Variants in PKHD1 observed in about 807,000 individuals in gnomAD.
The protein encoded by PKHD1 is fibrocystin.
Under a neutral mutation model 412.0 loss-of-function variants are expected in PKHD1, and 291 were observed. That is an observed-to-expected ratio of 0.71 (90% CI 0.64 to 0.78). The LOEUF (loss-of-function observed/expected upper bound fraction) is 0.78. Ranked by LOEUF, PKHD1 falls within the 30% of genes least tolerant of loss-of-function variation. PKHD1 has a pLI of 0.00. For synonymous variants in PKHD1, 1,777 were observed against 1,821.5 expected (o/e 0.98, Z 0.62); for missense variants, 4,825 against 4,950.7 (o/e 0.97, Z 0.76).
intron 58 of PKHD1, 29 bp downstream of exon 58, chr6:51,747,758 C>T (rs1463073059): frequency 6.3e-7 from 1 of 1,589,882 alleles, no homozygotes; most frequent in South Asian, 1.1e-5. Flanking sequence ...TATGAAATGG[C>T]ACTGCCTAGA....
intron 43 of PKHD1, among the ~76,000 whole-genome samples, chr6:51,891,128 T>C (rs1398974405): frequency 1.3e-5 from 2 of 152,250 alleles, no homozygotes; most frequent in Non-Finnish European, 2.9e-5. Flanking sequence ...CATACCCTTT[T>C]ACTTGTAGCT....
intron 35 of PKHD1, among the ~76,000 whole-genome samples, chr6:51,963,173 G>A (rs1201713291): frequency 2.6e-5 from 4 of 151,872 alleles, no homozygotes; most frequent in African/African-American, 4.8e-5. Flanking sequence ...ATCCCTTTTC[G>A]TGTTTTCAAG....
At chr6:51,935,539 C>CT in intron 36 of PKHD1, among the ~76,000 whole-genome samples, 1 of 152,188 alleles carries the variant, frequency 6.6e-6, no homozygotes, top group Admixed American at 6.5e-5. Flanking sequence ...AGAATTGTAT[C>CT]TTTATATCAG....
rs794727680 is a variant in PKHD1, at chr6:51,885,888, C to T, written c.7194G>A (p.Trp2398Ter). The T allele has an allele frequency of 6.2e-7, 1 of 1,612,066 alleles. No individual in the cohort carries two copies. The highest frequency in any genetic ancestry group is 1.3e-5 in the African/African-American group (1 of 74,858). Residue 2398 changes from tryptophan to a stop codon, truncating the protein, a stop_gained, in exon 45 of 67, where the codon TGG (tryptophan) becomes TGA (stop). Coordinates refer to ENST00000371117, the MANE Select transcript of PKHD1 (RefSeq NM_138694.4). LOFTEE classifies it high-confidence loss of function. ...TTACCTGGGCACCACCTGCACTTTC[C>T]CAAACTGTGAAGCTCTGGAACAGAG... ...GTTLFQSFTV[W>*]ESAGGAQIFR...
chr6:51,850,778 A>C (rs934771685), intron 49 of PKHD1, among the ~76,000 whole-genome samples: 2 of 152,178 alleles, frequency 1.3e-5, no homozygotes. Flanking sequence ...GTTGCTTATC[A>C]GTTCAAGAAA....
intron 60 of PKHD1, among the ~76,000 whole-genome samples, chr6:51,700,858 TGTTCAGAAATGAA>T (rs1779332084): frequency 6.6e-6 from 1 of 152,130 alleles, no homozygotes; most frequent in Admixed American, 6.6e-5. Context: ...CTAACAAGAT[TGTTCAGAAATGAA>T]GTCGCCTGAA....
intron 38 of PKHD1, among the ~76,000 whole-genome samples, 153 bp from the exon 39 acceptor site, chr6:51,912,109 C>T (rs959084275): frequency 6.6e-6 from 1 of 152,102 alleles, no homozygotes. Context: ...GACACAAGTA[C>T]ATGAAAATTA....
At chr6:52,074,467 C>A (rs1811069942) in intron 6 of PKHD1, among the ~76,000 whole-genome samples, 2 of 152,182 alleles carry the variant, frequency 1.3e-5, no homozygotes, top group African/African-American at 4.8e-5. Context: ...TAAAAAAAAT[C>A]TGGCAGAATA....
chr6:51,829,980 A>G (rs1767970629), intron 52 of PKHD1, among the ~76,000 whole-genome samples: 2 of 152,158 alleles, frequency 1.3e-5, no homozygotes, highest in Non-Finnish European at 2.9e-5. Flanking sequence ...TACTTATTTC[A>G]TAAGGTTATT....
At chr6:51,786,057 T>C (rs559088013) in intron 53 of PKHD1, among the ~76,000 whole-genome samples, 1 of 152,200 alleles carries the variant, frequency 6.6e-6, no homozygotes, top group East Asian at 1.9e-4. Flanking sequence ...AAAAACTCTA[T>C]GAAATACGTA....
chr6:51,660,428 T>C (rs1246505576), intron 60 of PKHD1, among the ~76,000 whole-genome samples: 1 of 152,074 alleles, frequency 6.6e-6, no homozygotes, highest in Non-Finnish European at 1.5e-5. Context: ...TGTCACATAA[T>C]TTAACCAAAT....
chr6:51,736,153 T>C (rs1216595005), intron 60 of PKHD1, among the ~76,000 whole-genome samples: 1 of 152,084 alleles, frequency 6.6e-6, no homozygotes, highest in Non-Finnish European at 1.5e-5. Context: ...ACTCAGCAAG[T>C]GTTAGATGCT....
At chr6:51,860,743 C>A (rs1774050345) in intron 48 of PKHD1, among the ~76,000 whole-genome samples, 1 of 152,036 alleles carries the variant, frequency 6.6e-6, no homozygotes, top group Non-Finnish European at 1.5e-5. Flanking sequence ...GGGCTATAAG[C>A]CTTACATGTT....
intron 36 of PKHD1, among the ~76,000 whole-genome samples, chr6:51,951,837 C>G (rs1790413557): frequency 6.6e-6 from 1 of 152,144 alleles, no homozygotes; most frequent in Admixed American, 6.6e-5. Context: ...TAAAGACAGA[C>G]CAAGTCCTGC....
At chr6:51,942,088 A>G (rs1164934485) in intron 36 of PKHD1, among the ~76,000 whole-genome samples, 1 of 151,666 alleles carries the variant, frequency 6.6e-6, no homozygotes, top group Non-Finnish European at 1.5e-5. Context: ...CCATCCTAAC[A>G]AAGCCATTAT....
intron 43 of PKHD1, among the ~76,000 whole-genome samples, chr6:51,892,998 T>C (rs1779340041): frequency 6.6e-6 from 1 of 152,096 alleles, no homozygotes; most frequent in African/African-American, 2.4e-5. Flanking sequence ...GAAGTGAAAC[T>C]CCACCTTCTC....
chr6:51,710,486 T>C lies in PKHD1; in HGVS notation c.10156+33899A>G, dbSNP rs556402958. ...GGAATCTTCACGTCTCAGATTCACC[T>C]AACAGAAATCTATATTGTACTTATT... On this transcript the variant is annotated intron_variant, in intron 60 of 66. Transcript: ENST00000371117. 3.0e-4 allele frequency among the ~76,000 whole-genome samples: 45 copies of C among 152,262 alleles called. No homozygotes were observed. The South Asian group carries it at 8.3e-3, about 28-fold the overall frequency.
At chr6:51,863,055 A>C (rs1487175993) in intron 48 of PKHD1, among the ~76,000 whole-genome samples, 1 of 152,222 alleles carries the variant, frequency 6.6e-6, no homozygotes, top group Non-Finnish European at 1.5e-5. Context: ...AGTACCTACT[A>C]CATGTCAAGC....
intron 14 of PKHD1, among the ~76,000 whole-genome samples, chr6:52,062,305 T>C (rs1470595566): frequency 6.6e-6 from 1 of 152,260 alleles, no homozygotes; most frequent in African/African-American, 2.4e-5. Context: ...GTAAACTAAG[T>C]TGTGGAAAAT....
Sources: allele counts gnomAD v4.1 joint callset (sites outside exome capture counted in the v4.1 genomes callset), GRCh38; gene constraint gnomAD v4.1.1; transcripts MANE v1.5; gene names NCBI Gene and HGNC (gene_info 2026-07-23, HGNC 2026-07-21).